The following ERFL variants were observed in gnomAD, a reference collection of about 807,000 sequenced individuals.
ERFL encodes the protein ETS repressor factor like, also known as ETS domain-containing transcription factor ERF-like.
A neutral mutation model predicts 27.9 loss-of-function variants in ERFL; 8 were observed. The ratio of observed to expected loss-of-function variants is 0.29; its 90% CI spans 0.17 to 0.52. The LOEUF is 0.52. Ranked by LOEUF, ERFL falls within the 20% of genes least tolerant of loss-of-function variation. The pLI is 0.97. For missense variants in ERFL, 294 were observed against 444.4 expected (o/e 0.66, Z 3.04); for synonymous variants, 174 against 202.8 (o/e 0.86, Z 1.21).
intron 1 of ERFL, among the ~76,000 whole-genome samples, chr19:41,922,307 G>C (rs959404235): frequency 1.3e-5 from 2 of 152,178 alleles, no homozygotes; most frequent in African/African-American, 2.4e-5. Flanking sequence ...GGGAGACAGA[G>C]ATAGCAGATC....
chr19:41,912,662 G>A (rs2074760203), intron 2 of ERFL, among the ~76,000 whole-genome samples, 191 bp downstream of exon 2: 2 of 152,212 alleles, frequency 1.3e-5, no homozygotes, highest in African/African-American at 4.8e-5. Flanking sequence ...GCAGGGGGCA[G>A]GGGAATCTGG....
At chr19:41,920,678 A>G (rs1555852402) in intron 1 of ERFL, among the ~76,000 whole-genome samples, 1 of 152,210 alleles carries the variant, frequency 6.6e-6, no homozygotes, top group African/African-American at 2.4e-5. Context: ...ATTCACAGAC[A>G]CTGTGACACA....
intron 1 of ERFL, among the ~76,000 whole-genome samples, chr19:41,918,534 C>T (rs542958497): frequency 6.7e-6 from 1 of 149,350 alleles, no homozygotes; most frequent in East Asian, 2.0e-4. Context: ...ACACACCATA[C>T]ACTCACCATA....
chr19:41,918,673 G>C (rs2074818801), intron 1 of ERFL, among the ~76,000 whole-genome samples: 1 of 112,834 alleles, frequency 8.9e-6, no homozygotes, highest in Non-Finnish European at 1.8e-5. Flanking sequence ...ACCCATCACA[G>C]ACACACCACA....
In ERFL at chr19:41,910,609, GC is replaced by G. The variant is rs782674620; in HGVS notation, c.68-513del. Among the ~76,000 whole-genome samples, 10 of 152,158 alleles carry G rather than the reference GC, an allele frequency of 6.6e-5. No individual in the cohort carries two copies. Among genetic ancestry groups the G allele is most frequent in the Non-Finnish European group, 1.2e-4 (8 of 68,024 alleles). Reference sequence around the variant, plus strand: ...TGACCCATCCTGGCATATCCAGGCTGCAGCTCTGTGCATGTCTGTACCTGCC... The same window carrying G: ...TGACCCATCCTGGCATATCCAGGCTGAGCTCTGTGCATGTCTGTACCTGCC... On this transcript the variant is annotated intron_variant, in intron 2 of 5. Coordinates refer to ENST00000597630, the MANE Select transcript of ERFL (RefSeq NM_001365103.2). The surrounding 1 kb of genome is among the most constrained non-coding windows in gnomAD (Gnocchi z 4.4).
rs1352189164 is a variant in ERFL at position 41,917,618 on chromosome 19, C to T, written c.-13-4686G>A. The stretch of plus-strand genomic sequence containing the variant: ...AAGACCCTTCTGCCACCGCCGCCCC[C>T]GCATGCACACACCATGCCCCAAAGC... On this transcript the variant is annotated intron_variant, in intron 1 of 5. Coordinates refer to ENST00000597630, the MANE Select transcript of ERFL (RefSeq NM_001365103.2). The surrounding 1 kb of genome is among the most constrained non-coding windows in gnomAD (Gnocchi z 4.8). 6.6e-6 allele frequency among the ~76,000 whole-genome samples: 1 copy of T among 151,974 alleles called. No homozygotes were observed. The highest frequency in any genetic ancestry group is 1.5e-5 in the Non-Finnish European group (1 of 67,976).
chr19:41,911,404 T>G (rs2074750366), intron 2 of ERFL, among the ~76,000 whole-genome samples: 1 of 152,226 alleles, frequency 6.6e-6, no homozygotes, highest in South Asian at 2.1e-4. Context: ...AGGAGACTGC[T>G]GTGCGCCAGG....
intron 1 of ERFL, among the ~76,000 whole-genome samples, chr19:41,919,769 C>G (rs2074827160): frequency 7.1e-6 from 1 of 140,612 alleles, no homozygotes; most frequent in South Asian, 2.1e-4. Context: ...GGGACTGAGC[C>G]TCCTCATCTT....
At chr19:41,918,526 ACACCATACACT>A (rs1192932428) in intron 1 of ERFL, among the ~76,000 whole-genome samples, 1 of 149,400 alleles carries the variant, frequency 6.7e-6, no homozygotes, top group South Asian at 2.1e-4. Context: ...CATCACACAC[ACACCATACACT>A]CACCATACAC....
intron 2 of ERFL, among the ~76,000 whole-genome samples, chr19:41,911,658 G>A (rs2074752407): frequency 6.6e-6 from 1 of 152,028 alleles, no homozygotes; most frequent in African/African-American, 2.4e-5. Context: ...CCATGACAGG[G>A]CTGGATCCAG....
Position 41,909,016 on chromosome 19 carries a change from T to G in ERFL, c.616+44A>C, listed in dbSNP as rs566983519. ...ATCCTCTTCCCTCAAGCCTGCAGCTTCTCCCACTGTGCCCCCAGCACCCCA... is the reference window on the plus strand; with the variant it reads ...ATCCTCTTCCCTCAAGCCTGCAGCTGCTCCCACTGTGCCCCCAGCACCCCA... On this transcript the variant is annotated intron_variant, in intron 5 of 5. Transcript: ENST00000597630. This position sits in a 1 kb window ranked among gnomAD's most constrained non-coding sequence, Gnocchi z 5.2. 12 of 1,132,528 alleles carry G rather than the reference T, an allele frequency of 1.1e-5. No individual in the cohort carries two copies. The South Asian group carries it at 5.0e-4, about 47-fold the overall frequency. 70.2% of individuals were successfully genotyped at this position (1,132,528 alleles called of 1,614,324 possible). A position where few individuals can be genotyped will look rare whatever the true frequency, so the allele number is the denominator to read the frequency against.
Position 41,909,796 on chromosome 19 carries a change from A to G in ERFL, c.302+67T>C. ...AGCAGGAACCTGCCCCAGGATGCAG[A>G]GGGGGCACCAGAGGGACAGTTGGGG... On this transcript the variant is annotated intron_variant, in intron 3 of 5. Transcript: ENST00000597630. This position sits in a 1 kb window ranked among gnomAD's most constrained non-coding sequence, Gnocchi z 5.2. The G allele has an allele frequency of 6.8e-7, 1 of 1,466,656 alleles. No homozygotes were observed. Among genetic ancestry groups the G allele is most frequent in the Admixed American group, 2.1e-5 (1 of 47,148 alleles). The allele number at this position is 1,466,656 out of a possible 1,614,324, so 90.9% of individuals were successfully genotyped here.
intron 1 of ERFL, among the ~76,000 whole-genome samples, chr19:41,925,152 T>C (rs1410877669): frequency 3.3e-5 from 5 of 152,100 alleles, no homozygotes; most frequent in Non-Finnish European, 7.4e-5. Context: ...AGTGGGGGTA[T>C]GCATAGTGGG....
chr19:41,918,261 AC>A (rs1200856058), intron 1 of ERFL, among the ~76,000 whole-genome samples: 1 of 150,028 alleles, frequency 6.7e-6, no homozygotes, highest in African/African-American at 2.5e-5. Flanking sequence ...ATACATACAC[AC>A]CCCCACCACA....
chr19:41,920,955 G>A (rs2074838482), intron 1 of ERFL, among the ~76,000 whole-genome samples: 1 of 152,230 alleles, frequency 6.6e-6, no homozygotes, highest in South Asian at 2.1e-4. Context: ...CCCTGTGTGT[G>A]TGTCTCTGCA....
intron 2 of ERFL, among the ~76,000 whole-genome samples, chr19:41,911,111 CCTG>C (rs2074749092): frequency 6.6e-6 from 1 of 152,168 alleles, no homozygotes; most frequent in Non-Finnish European, 1.5e-5. Context: ...ACTTCCCAAA[CCTG>C]CACACAGAGG....
Position 41,910,028 on chromosome 19 carries a change from T to C in ERFL, c.137A>G (p.His46Arg). The change falls in exon 3 of 6, where the codon CAC (histidine) becomes CGC (arginine). Residue 46 changes from histidine to arginine, a missense_variant. This residue lies in a region of ERFL where 10 missense variants were observed against 37.7 expected (regional missense o/e 0.27). Coordinates refer to ENST00000597630, the MANE Select transcript of ERFL (RefSeq NM_001365103.2). The surrounding 1 kb of genome is among the most constrained non-coding windows in gnomAD (Gnocchi z 4.4). ...CTTCTGCAGCAGCTCCAGGATAAAG[T>C]GCCACAGCTGGATCTGCCTCGAGCC... is the stretch of plus-strand genomic sequence containing the variant. ...SPGSRQIQLW[H>R]FILELLQKEE... 6.2e-7 allele frequency: 1 copy of C among 1,613,644 alleles called. No homozygotes were observed. Among genetic ancestry groups the C allele is most frequent in the East Asian group, 2.2e-5 (1 of 44,870 alleles).
rs1177813012 is a variant in ERFL at position 41,910,873 on chromosome 19, C to A, written c.68-776G>T. Among the ~76,000 whole-genome samples the A allele has an allele frequency of 6.6e-6, 1 of 152,196 alleles. No individual in the cohort carries two copies. Among genetic ancestry groups the A allele is most frequent in the Non-Finnish European group, 1.5e-5 (1 of 68,034 alleles). On this transcript the variant is annotated intron_variant, in intron 2 of 5. Coordinates refer to ENST00000597630, the MANE Select transcript of ERFL (RefSeq NM_001365103.2). This position sits in a 1 kb window ranked among gnomAD's most constrained non-coding sequence, Gnocchi z 4.4. ...CCAAGGCTGACATGGCAGACACAGGCTGCGCAAGACTCAAGGTCACGTCAT... is the reference window on the plus strand; with the variant it reads ...CCAAGGCTGACATGGCAGACACAGGATGCGCAAGACTCAAGGTCACGTCAT...
chr19:41,913,112 T>C (rs60841401), intron 1 of ERFL, among the ~76,000 whole-genome samples, 180 bp from the exon 2 acceptor site: 53,925 of 151,262 alleles, frequency 0.36, 14,161 homozygotes, highest in African/African-American at 0.73. Context: ...TCCCCAGCCG[T>C]TCCCGGCCCC....
Sources: gnomAD v4.1 joint callset for allele counts (sites outside exome capture counted in the v4.1 genomes callset) on GRCh38, gnomAD v4.1.1 for gene constraint, gnomAD v4.1.1 regional missense constraint, Gnocchi (gnomAD v3.1) non-coding constraint, MANE v1.5 for transcripts, NCBI Gene and HGNC (gene_info 2026-07-23, HGNC 2026-07-21) for gene names.